Variants in DCC observed in about 807,000 individuals in gnomAD.
The protein encoded by DCC is DCC netrin 1 receptor.
In DCC, 58 loss-of-function variants were observed where a neutral mutation model predicts 172.5. The observed-to-expected ratio is 0.34, with a 90% CI of 0.27 to 0.42. The LOEUF (loss-of-function observed/expected upper bound fraction) is 0.42, where lower values mean the gene tolerates loss of function less well. Among genes scored for constraint, DCC ranks in the 10% least tolerant of loss-of-function variants. DCC has a pLI of 1.00. For synonymous variants in DCC, 709 were observed against 644.5 expected (o/e 1.10, Z -1.52); for missense variants, 1,740 against 1,791.0 (o/e 0.97, Z 0.51).
At chr18:53,093,060 T>C (rs2043036804) in intron 7 of DCC, among the ~76,000 whole-genome samples, 1 of 152,120 alleles carries the variant, frequency 6.6e-6, no homozygotes, top group Non-Finnish European at 1.5e-5. Context: ...CACAGGCAGA[T>C]GACTTGAGAC....
Position 53,535,623 on chromosome 18 carries a change from T to C in DCC, c.*4970T>C, listed in dbSNP as rs1230585142. On this transcript the variant is annotated 3_prime_UTR_variant, in exon 29 of 29. Transcript: ENST00000442544. ...ACACCTTTTTTAACAAAAAGGTATTTTGAGCCTACAAAAAGTTTCTTTAAA... is the reference window on the plus strand; with the variant it reads ...ACACCTTTTTTAACAAAAAGGTATTCTGAGCCTACAAAAAGTTTCTTTAAA... 6.6e-6 allele frequency: 1 copy of C among 152,294 alleles called. No individual in the cohort carries two copies. Among genetic ancestry groups the C allele is most frequent in the East Asian group, 1.9e-4 (1 of 5,184 alleles). 9.4% of individuals were successfully genotyped at this position (152,294 alleles called of 1,614,324 possible).
At chr18:52,403,880 A>C (rs1986535014) in intron 1 of DCC, among the ~76,000 whole-genome samples, 1 of 152,068 alleles carries the variant, frequency 6.6e-6, no homozygotes, top group Non-Finnish European at 1.5e-5. Flanking sequence ...TGTATTGTTC[A>C]CTGAGAGATG....
intron 1 of DCC, among the ~76,000 whole-genome samples, chr18:52,619,215 G>A (rs528287134): frequency 7.9e-5 from 12 of 152,226 alleles, no homozygotes; most frequent in African/African-American, 2.9e-4. Context: ...TCTTGCCATT[G>A]TTTTAATCTA....
At chr18:53,351,407 A>ATATATACTG (rs1451319642) in intron 15 of DCC, among the ~76,000 whole-genome samples, 2 of 19,146 alleles carry the variant, frequency 1.0e-4, no homozygotes, top group South Asian at 1.9e-3. Context: ...CAGTGTATAT[A>ATATATACTG]TATATATATA....
chr18:52,478,866 T>C lies in DCC; in HGVS notation c.91+137988T>C, dbSNP rs541660632. Among the ~76,000 whole-genome samples the C allele has an allele frequency of 3.9e-5, 6 of 152,172 alleles. No homozygotes were observed. In the South Asian group the frequency reaches 6.2e-4, roughly 16 times the overall value. On this transcript the variant is annotated intron_variant, in intron 1 of 28. Coordinates refer to ENST00000442544, the MANE Select transcript of DCC (RefSeq NM_005215.4). ...TTCACACCAGGCCCCACCTCCAACA[T>C]TGGGGATTACCATTCAACATGAGAT...
chr18:52,375,052 G>A (rs1051894666), intron 1 of DCC, among the ~76,000 whole-genome samples: 2 of 152,174 alleles, frequency 1.3e-5, no homozygotes, highest in Non-Finnish European at 2.9e-5. Context: ...CTGAAGGAGC[G>A]CCATGGGGCT....
chr18:53,233,343 T>G (rs1038925420), intron 12 of DCC, among the ~76,000 whole-genome samples: 11 of 152,230 alleles, frequency 7.2e-5, no homozygotes, highest in African/African-American at 2.7e-4. Flanking sequence ...AATACACATT[T>G]TTTTGCCTAT....
intron 8 of DCC, among the ~76,000 whole-genome samples, chr18:53,157,811 G>T (rs111314305): frequency 0.021 from 3,244 of 152,264 alleles, 40 homozygotes; most frequent in Middle Eastern, 0.027. Flanking sequence ...CTGTATATTA[G>T]TAGAACAGTG....
chr18:53,186,749 A>G (rs2055288112), intron 9 of DCC, among the ~76,000 whole-genome samples: 2 of 152,182 alleles, frequency 1.3e-5, no homozygotes, highest in Admixed American at 1.3e-4. Flanking sequence ...AACACCTGAC[A>G]CTGTAATTTA....
At chr18:53,260,133 T>C (rs972316249) in intron 12 of DCC, among the ~76,000 whole-genome samples, 1 of 152,192 alleles carries the variant, frequency 6.6e-6, no homozygotes, top group Non-Finnish European at 1.5e-5. Context: ...TTTAACTTCT[T>C]TGCCATGGGT....
chr18:52,637,620 A>T (rs2034807805), intron 1 of DCC, among the ~76,000 whole-genome samples: 1 of 152,232 alleles, frequency 6.6e-6, no homozygotes, highest in Non-Finnish European at 1.5e-5. Flanking sequence ...AAGGCAAAGA[A>T]AAAAGAGTAA....
At position 53,208,371 on chromosome 18, in the gene DCC, A is replaced by G. The variant is rs113271332; in HGVS notation, c.1861+554A>G. 6.8e-3 allele frequency among the ~76,000 whole-genome samples: 1,039 copies of G among 152,146 alleles called. 14 individuals carry two copies. Among genetic ancestry groups the G allele is most frequent in the African/African-American group, 0.024 (977 of 41,512 alleles). On this transcript the variant is annotated intron_variant, in intron 11 of 28. Coordinates refer to ENST00000442544, the MANE Select transcript of DCC (RefSeq NM_005215.4). The stretch of plus-strand genomic sequence containing the variant: ...GGTAATCCTCAAAATGTGACTATTG[A>G]CTAAGAGCTAAAACTTTGTGTATTT...
At chr18:53,297,790 A>T (rs1372691609) in intron 12 of DCC, among the ~76,000 whole-genome samples, 1 of 152,202 alleles carries the variant, frequency 6.6e-6, no homozygotes, top group Non-Finnish European at 1.5e-5. Flanking sequence ...ACACAATATA[A>T]TTTGGAGCCT....
chr18:53,248,898 A>G (rs1210903501), intron 12 of DCC, among the ~76,000 whole-genome samples: 1 of 152,054 alleles, frequency 6.6e-6, no homozygotes, highest in Non-Finnish European at 1.5e-5. Flanking sequence ...TACATTGGCA[A>G]CTATGTATTT....
rs117370255 is a variant in DCC at position 52,580,691 on chromosome 18, C to T, written c.92-171363C>T. Among the ~76,000 whole-genome samples the T allele has an allele frequency of 5.2e-3, 787 of 152,266 alleles. 3 individuals are homozygous for T. The highest frequency in any genetic ancestry group is 8.3e-3 in the Non-Finnish European group (567 of 68,016). ...CCTGGACCAACACTGAGTTGGGATG[C>T]GCACACCAGCTAGAGCAGCACTGTT... On this transcript the variant is annotated intron_variant, in intron 1 of 28. Transcript: ENST00000442544.
intron 12 of DCC, among the ~76,000 whole-genome samples, chr18:53,287,095 G>T (rs1259944129): frequency 1.3e-5 from 2 of 151,554 alleles, no homozygotes; most frequent in African/African-American, 2.4e-5. Flanking sequence ...CTAACATTTT[G>T]TCACCCCTAA....
intron 1 of DCC, among the ~76,000 whole-genome samples, chr18:52,511,701 G>A (rs891430448): frequency 6.6e-6 from 1 of 152,178 alleles, no homozygotes; most frequent in Non-Finnish European, 1.5e-5. Context: ...TCGCGTTAAA[G>A]TTCACCGACA....
intron 7 of DCC, among the ~76,000 whole-genome samples, chr18:53,086,592 CTTCTTCTTCTTCTTCTTCTTCT>C (rs1193664157): frequency 4.3e-5 from 2 of 46,998 alleles, no homozygotes; most frequent in Admixed American, 1.7e-4. Context: ...CTTCCTTCTT[CTTCTTCTTCTTCTTCTTCTTCT>C]TTCTTCTTCT....
intron 2 of DCC, among the ~76,000 whole-genome samples, chr18:52,778,299 ACTTT>A (rs1355706279): frequency 5.3e-5 from 8 of 152,296 alleles, no homozygotes; most frequent in African/African-American, 1.4e-4. Flanking sequence ...AACTTGTAAC[ACTTT>A]CTTCAGTTGC....
Sources: allele counts gnomAD v4.1 joint callset (sites outside exome capture counted in the v4.1 genomes callset), GRCh38; gene constraint gnomAD v4.1.1; transcripts MANE v1.5; gene names NCBI Gene and HGNC (gene_info 2026-07-23, HGNC 2026-07-21).